The following TRPV3 variants were observed in gnomAD, a reference collection of about 807,000 sequenced individuals.
The protein encoded by TRPV3 is transient receptor potential cation channel subfamily V member 3.
In TRPV3, 88 loss-of-function variants were observed where a neutral mutation model predicts 87.1. The ratio of observed to expected loss-of-function variants is 1.01; its 90% CI spans 0.85 to 1.21. TRPV3 has a LOEUF of 1.21. Among genes scored for constraint, TRPV3 ranks in the 50% most tolerant of loss-of-function variants. The probability of loss-of-function intolerance (pLI) is 0.00; values close to 1 mark genes in which losing one functional copy is unlikely to be tolerated. For missense variants in TRPV3, 1,054 were observed against 1,030.1 expected (o/e 1.02, Z -0.32); for synonymous variants, 438 against 423.3 (o/e 1.03, Z -0.43).
At chr17:3,534,230 CAGACTAGCT>C (rs2074378572) in intron 7 of TRPV3, among the ~76,000 whole-genome samples, 1 of 152,036 alleles carries the variant, frequency 6.6e-6, no homozygotes, top group African/African-American at 2.4e-5. Flanking sequence ...GCCCAGAGCA[CAGACTAGCT>C]AGTCCTGCTG....
rs190807280 is a variant in TRPV3 at position 3,521,025 on chromosome 17, A to G, written c.1758T>C (p.Asp586=). ...SVMIQKVILH[D]VLKFLFVYIV... is the part of the protein sequence containing the mutation. ...TATATACAAACAAGAACTTCAGAAC[A>G]TCATGCAAAATGACCTATAAGGAAA... Residue 586 remains aspartate, a synonymous_variant, in exon 14 of 18, where the codon GAT becomes GAC. Coordinates refer to ENST00000576742, the MANE Select transcript of TRPV3 (RefSeq NM_145068.4). The G allele has an allele frequency of 3.9e-5, 63 of 1,607,906 alleles. No homozygotes were observed. The East Asian group carries it at 9.6e-4, about 25-fold the overall frequency.
At chr17:3,522,685 T>TG (rs1170450488) in intron 13 of TRPV3, among the ~76,000 whole-genome samples, 3 of 151,248 alleles carry the variant, frequency 2.0e-5, no homozygotes, top group African/African-American at 7.3e-5. Context: ...CTGGGCATGG[T>TG]GCATGCCTGT....
rs2074273487 is a variant in TRPV3, at chr17:3,524,221, T to C, written c.1720A>G (p.Met574Val). The change falls in exon 13 of 18, where the codon ATG (methionine) becomes GTG (valine). Residue 574 changes from methionine to valine, a missense_variant. Coordinates refer to ENST00000576742, the MANE Select transcript of TRPV3 (RefSeq NM_145068.4). Reference protein sequence around the residue: ...YYTRGFQSMGMYSVMIQKVIL... With the variant: ...YYTRGFQSMGVYSVMIQKVIL... ...ACCTTCTGGATCATGACGCTGTACA[T>C]GCCCATGGACTGGAAACCCCGCGTA... 1 of 1,614,210 alleles carries C rather than the reference T, an allele frequency of 6.2e-7. No individual in the cohort carries two copies. Among genetic ancestry groups the C allele is most frequent in the Non-Finnish European group, 8.5e-7 (1 of 1,180,028 alleles).
chr17:3,521,271 A>G (rs2074243277), intron 13 of TRPV3, among the ~76,000 whole-genome samples: 1 of 152,012 alleles, frequency 6.6e-6, no homozygotes, highest in South Asian at 2.1e-4. Flanking sequence ...TCTCCCTGTG[A>G]TTCACCCTGT....
At chr17:3,519,294 A>G (rs1476901347) in intron 14 of TRPV3, among the ~76,000 whole-genome samples, 2 of 152,128 alleles carry the variant, frequency 1.3e-5, no homozygotes, top group Non-Finnish European at 2.9e-5. Context: ...TCTTTCCAAC[A>G]CACCACAGTA....
Position 3,550,117 on chromosome 17 carries a change from C to T in TRPV3, c.119+4615G>A, listed in dbSNP as rs190802229. Among the ~76,000 whole-genome samples, 533 of 152,154 alleles carry T rather than the reference C, an allele frequency of 3.5e-3. 3 individuals carry two copies. The highest frequency in any genetic ancestry group is 5.2e-3 in the Admixed American group (79 of 15,258). On this transcript the variant is annotated intron_variant, in intron 2 of 17. Coordinates refer to ENST00000576742, the MANE Select transcript of TRPV3 (RefSeq NM_145068.4). ...GGAGGGTAGGATAGGTGGACAGGAC[C>T]AATAAGCAGATAAACCAACATAACC...
rs1597466217 is a variant in TRPV3, at chr17:3,518,476, G to A, written c.2085+100C>T. ...ACTGAGGAGCTTGTGCAGATTCTCA[G>A]GCCCCACCTCAGACCCACTGGTGCT... On this transcript the variant is annotated intron_variant, in intron 15 of 17. Coordinates refer to ENST00000576742, the MANE Select transcript of TRPV3 (RefSeq NM_145068.4). This position sits in a 1 kb window ranked among gnomAD's most constrained non-coding sequence, Gnocchi z 4.3. The A allele has an allele frequency of 7.3e-7, 1 of 1,367,776 alleles. No homozygotes were observed. The highest frequency in any genetic ancestry group is 1.5e-5 in the African/African-American group (1 of 68,350). 84.7% of individuals were successfully genotyped at this position (1,367,776 alleles called of 1,614,324 possible).
intron 2 of TRPV3, among the ~76,000 whole-genome samples, chr17:3,548,529 GGA>G (rs1567645150): frequency 6.6e-6 from 1 of 152,248 alleles, no homozygotes; most frequent in African/African-American, 2.4e-5. Context: ...GGGGCAAGCA[GGA>G]GAGAGACCCC....
rs1054151708 is a variant in TRPV3 at position 3,511,524 on chromosome 17, T to A, written c.*2393A>T. On this transcript the variant is annotated 3_prime_UTR_variant, in exon 18 of 18. Coordinates refer to ENST00000576742, the MANE Select transcript of TRPV3 (RefSeq NM_145068.4). Reference sequence around the variant, plus strand: ...GTGCTCCTTTTCACTCTGATGCTTCTTGACTTATGGCTTCCCTTGGTAAAC... The same window carrying A: ...GTGCTCCTTTTCACTCTGATGCTTCATGACTTATGGCTTCCCTTGGTAAAC... 1 of 152,236 alleles carries A rather than the reference T, an allele frequency of 6.6e-6. No individual in the cohort carries two copies. Among genetic ancestry groups the A allele is most frequent in the Non-Finnish European group, 1.5e-5 (1 of 68,040 alleles). The allele number at this position is 152,236 out of a possible 1,614,324, so 9.4% of individuals were successfully genotyped here. A position where few individuals can be genotyped will look rare whatever the true frequency, so the allele number is the denominator to read the frequency against.
intron 13 of TRPV3, among the ~76,000 whole-genome samples, chr17:3,522,022 G>A (rs1163385817): frequency 1.3e-5 from 2 of 152,170 alleles, no homozygotes; most frequent in African/African-American, 4.8e-5. Flanking sequence ...GTTGCAGTGA[G>A]CCTAGATCGC....
At chr17:3,516,381 T>G in intron 16 of TRPV3, 76 bp downstream of exon 16, 1 of 1,173,146 alleles carries the variant, frequency 8.5e-7, no homozygotes, top group Non-Finnish European at 1.3e-6. Flanking sequence ...ACTGTTTCTC[T>G]AACATCCTGT....
At position 3,513,959 on chromosome 17, in the gene TRPV3, A is replaced by G. The variant is rs74362949; in HGVS notation, c.2331T>C (p.Asn777=). The part of the protein sequence containing the change: ...SSRNNSKTTL[N]AFEEVEEFPE... Reference sequence around the variant, plus strand: ...GGAATTCCTCGACTTCTTCAAATGCATTGAGAGTGGTTTTGCTGTTGTTCC... The same window carrying G: ...GGAATTCCTCGACTTCTTCAAATGCGTTGAGAGTGGTTTTGCTGTTGTTCC... The change falls in exon 18 of 18, where the codon AAT becomes AAC. Residue 777 remains asparagine (N), a synonymous_variant. Transcript: ENST00000576742. 23,166 of 1,614,130 alleles carry G rather than the reference A, an allele frequency of 0.014. 193 individuals carry two copies. Among genetic ancestry groups the G allele is most frequent in the Non-Finnish European group, 0.018 (20,729 of 1,179,962 alleles).
intron 11 of TRPV3, 113 bp from the exon 12 acceptor site, chr17:3,527,040 G>A: frequency 1.2e-6 from 1 of 816,068 alleles, no homozygotes; most frequent in Non-Finnish European, 2.0e-6. Flanking sequence ...ATGCACAAAG[G>A]CCCAGCTAGA....
rs80191992 is a variant in TRPV3 at position 3,527,061 on chromosome 17, C to T, written c.1504-134G>A. ...AAAGGCCCAGCTAGAGTCCAGGTGG[C>T]GGATCTGAAAGGGGACCTGTGCCTG... On this transcript the variant is annotated intron_variant, in intron 11 of 17. Coordinates refer to ENST00000576742, the MANE Select transcript of TRPV3 (RefSeq NM_145068.4). 5,934 of 700,502 alleles carry T rather than the reference C, an allele frequency of 8.5e-3. 149 individuals carry two copies. The highest frequency in any genetic ancestry group is 0.072 in the East Asian group (2,626 of 36,268). The allele number at this position is 700,502 out of a possible 1,614,324, so 43.4% of individuals were successfully genotyped here.
chr17:3,514,009 A>G lies in TRPV3; in HGVS notation c.2281T>C (p.Phe761Leu). 3 of 1,610,702 alleles carry G rather than the reference A, an allele frequency of 1.9e-6. No individual in the cohort carries two copies. Among genetic ancestry groups the G allele is most frequent in the Non-Finnish European group, 2.5e-6 (3 of 1,177,964 alleles). ...CTGGAAGAATCTTGGATTTTGTTGA[A>G]ATCTGCTTTTTAAAAAAATATATAT... ...EDPGPVRRTD[F>L]NKIQDSSRNN... The change falls in exon 18 of 18, where the codon TTC becomes CTC. Residue 761 changes from phenylalanine (F) to leucine (L), a missense_variant and splice_region_variant. Coordinates refer to ENST00000576742, the MANE Select transcript of TRPV3 (RefSeq NM_145068.4).
In TRPV3 at chr17:3,513,797, C is replaced by T; in HGVS notation, c.*120G>A. ...ACTGAGCACTGAGCACGAGGGTGCACTCTGCTTCTAGGCCAGCAGAGCCGG... is the reference window on the plus strand; with the variant it reads ...ACTGAGCACTGAGCACGAGGGTGCATTCTGCTTCTAGGCCAGCAGAGCCGG... On this transcript the variant is annotated 3_prime_UTR_variant, in exon 18 of 18. Transcript: ENST00000576742. The T allele has an allele frequency of 1.2e-6, 1 of 831,124 alleles. No homozygotes were observed. The highest frequency in any genetic ancestry group is 2.0e-6 in the Non-Finnish European group (1 of 507,982). The allele number at this position is 831,124 out of a possible 1,614,324, so 51.5% of individuals were successfully genotyped here.
At chr17:3,541,374 C>G (rs2074458772) in intron 6 of TRPV3, among the ~76,000 whole-genome samples, 1 of 151,934 alleles carries the variant, frequency 6.6e-6, no homozygotes, top group Non-Finnish European at 1.5e-5. Context: ...TGTCAAAAAA[C>G]AAAAACAAAA....
In TRPV3 at chr17:3,528,725, C is replaced by A; in HGVS notation, c.1401+112G>T. The A allele has an allele frequency of 7.6e-7, 1 of 1,308,174 alleles. No homozygotes were observed. Among genetic ancestry groups the A allele is most frequent in the Non-Finnish European group, 1.0e-6 (1 of 953,050 alleles). The allele number at this position is 1,308,174 out of a possible 1,614,324, so 81.0% of individuals were successfully genotyped here. On this transcript the variant is annotated intron_variant, in intron 10 of 17. Transcript: ENST00000576742. This position sits in a 1 kb window ranked among gnomAD's most constrained non-coding sequence, Gnocchi z 4.2. ...AGCGTGAAGGACAACTGGGGGACCC[C>A]GCCCAATCTCCTGGTCTCTCTGGGC... is the stretch of plus-strand genomic sequence containing the variant.
At chr17:3,524,499 G>A (rs139633806) in intron 12 of TRPV3, 136 bp from the exon 13 acceptor site, 12 of 1,074,350 alleles carry the variant, frequency 1.1e-5, no homozygotes, top group South Asian at 3.2e-5. Flanking sequence ...CCAGAATCAC[G>A]CTGCCTCAGA....
Sources: allele counts gnomAD v4.1 joint callset (sites outside exome capture counted in the v4.1 genomes callset), GRCh38; gene constraint gnomAD v4.1.1; non-coding constraint Gnocchi (gnomAD v3.1); transcripts MANE v1.5; gene names NCBI Gene and HGNC (gene_info 2026-07-23, HGNC 2026-07-21).